Variants in PKP4 observed in about 807,000 individuals in gnomAD.
The protein encoded by PKP4 is plakophilin-4.
A neutral mutation model predicts 145.1 loss-of-function variants in PKP4; 90 were observed. The observed-to-expected ratio is 0.62, with a 90% confidence interval of 0.52 to 0.74. The LOEUF (loss-of-function observed/expected upper bound fraction) is 0.74, where lower values mean the gene tolerates loss of function less well. PKP4 is among the 30% of genes least tolerant of loss of function. PKP4 has a pLI of 0.00. For synonymous variants in PKP4, 563 were observed against 577.2 expected (o/e 0.98, Z 0.35); for missense variants, 1,340 against 1,482.7 (o/e 0.90, Z 1.58).
At chr2:158,609,291 G>A (rs962844023) in intron 4 of PKP4, among the ~76,000 whole-genome samples, 19 of 152,012 alleles carry the variant, frequency 1.2e-4, no homozygotes, top group African/African-American at 4.6e-4. Flanking sequence ...ATCTATCTTA[G>A]AATTAGGCAG....
rs190976739 is a variant in PKP4, at chr2:158,468,577, T to C, written c.-6+11359T>C. 3.7e-3 allele frequency among the ~76,000 whole-genome samples: 562 copies of C among 152,076 alleles called. 1 individual carries two copies. Among genetic ancestry groups the C allele is most frequent in the African/African-American group, 0.013 (527 of 41,502 alleles). ...TATATATGATCATAGGTAATATTCT[T>C]GCAAAAAAATGTTGATAGTGCACCA... is the stretch of plus-strand genomic sequence containing the variant. On this transcript the variant is annotated intron_variant, in intron 1 of 21. Coordinates refer to ENST00000389759, the MANE Select transcript of PKP4 (RefSeq NM_003628.6).
chr2:158,483,144 T>C (rs898128586), intron 1 of PKP4, among the ~76,000 whole-genome samples: 18 of 152,198 alleles, frequency 1.2e-4, no homozygotes, highest in African/African-American at 4.1e-4. Context: ...GTTGTATCTT[T>C]TAGAAAATTG....
chr2:158,499,474 T>C (rs1432173389), intron 1 of PKP4, among the ~76,000 whole-genome samples: 3 of 152,202 alleles, frequency 2.0e-5, no homozygotes, highest in Admixed American at 6.5e-5. Flanking sequence ...AGAGAAACTG[T>C]AACACCACTG....
In PKP4 at chr2:158,666,432, C is replaced by T. The variant is rs754780372; in HGVS notation, c.2597C>T (p.Ala866Val). Residue 866 changes from alanine (A) to valine (V), a missense_variant, in exon 16 of 22, where the codon GCG (alanine) becomes GTG (valine). Ala to Val is a moderately conservative substitution (Grantham distance 64, BLOSUM62 0). Transcript: ENST00000389759. ...GNWKFAAYIR[A>V]AVRKEKGLPI... The stretch of plus-strand genomic sequence containing the variant: ...CACTAGTTTGCAGCATATATCCGGG[C>T]GGCCGTCCGAAAAGAAAAGGGGCTC... The T allele has an allele frequency of 2.1e-5, 33 of 1,605,346 alleles. No homozygotes were observed. The highest frequency in any genetic ancestry group is 6.9e-5 in the Admixed American group (4 of 58,080).
chr2:158,535,464 C>T (rs1559289701), intron 2 of PKP4, among the ~76,000 whole-genome samples: 1 of 152,280 alleles, frequency 6.6e-6, no homozygotes, highest in East Asian at 1.9e-4. Flanking sequence ...GGATGGAGTA[C>T]AGTGTCACCT....
intron 1 of PKP4, among the ~76,000 whole-genome samples, chr2:158,516,042 CT>C (rs10719242): frequency 0.66 from 93,547 of 140,990 alleles, 31,072 homozygotes; most frequent in East Asian, 0.87. Flanking sequence ...GAGAATCCAT[CT>C]TTTTTTTTTT....
intron 4 of PKP4, among the ~76,000 whole-genome samples, chr2:158,612,796 C>T (rs778474047): frequency 6.6e-6 from 1 of 152,070 alleles, no homozygotes; most frequent in Non-Finnish European, 1.5e-5. Context: ...AATCATAACA[C>T]TCCATGGAAA....
At chr2:158,620,270 C>A (rs1273314601) in intron 4 of PKP4, among the ~76,000 whole-genome samples, 1 of 151,984 alleles carries the variant, frequency 6.6e-6, no homozygotes, top group Non-Finnish European at 1.5e-5. Flanking sequence ...GAAGCATGAT[C>A]TACACCACCT....
chr2:158,547,500 G>A (rs1038840549), intron 2 of PKP4, among the ~76,000 whole-genome samples: 1 of 152,152 alleles, frequency 6.6e-6, no homozygotes, highest in African/African-American at 2.4e-5. Flanking sequence ...GATTGCTGGG[G>A]AACAAAGGGA....
At chr2:158,612,798 C>G (rs2105874158) in intron 4 of PKP4, among the ~76,000 whole-genome samples, 1 of 152,206 alleles carries the variant, frequency 6.6e-6, no homozygotes, top group South Asian at 2.1e-4. Context: ...TCATAACACT[C>G]CATGGAAACT....
In PKP4 at chr2:158,493,249, C is replaced by T. The variant is rs769002532; in HGVS notation, c.-6+36031C>T. Among the ~76,000 whole-genome samples, 6 of 152,090 alleles carry T rather than the reference C, an allele frequency of 3.9e-5. 1 individual carries two copies. The highest frequency in any genetic ancestry group is 4.1e-4 in the South Asian group (2 of 4,828). On this transcript the variant is annotated intron_variant, in intron 1 of 21. Coordinates refer to ENST00000389759, the MANE Select transcript of PKP4 (RefSeq NM_003628.6). Reference sequence around the variant, plus strand: ...TGTCTTCCCGTTTTCCTAATAATGACAGATCATAATTTTTTATTAAATTAC... The same window carrying T: ...TGTCTTCCCGTTTTCCTAATAATGATAGATCATAATTTTTTATTAAATTAC...
At chr2:158,509,915 C>T (rs985598143) in intron 1 of PKP4, among the ~76,000 whole-genome samples, 2 of 150,180 alleles carry the variant, frequency 1.3e-5, no homozygotes, top group African/African-American at 4.9e-5. Context: ...CCACTGCACT[C>T]CAGCCTGGGC....
chr2:158,537,607 A>G (rs2044162078), intron 2 of PKP4, among the ~76,000 whole-genome samples: 1 of 152,228 alleles, frequency 6.6e-6, no homozygotes, highest in South Asian at 2.1e-4. Context: ...CTCAACTCCT[A>G]ATAAGAATCC....
chr2:158,477,278 AG>A (rs59276673), intron 1 of PKP4, among the ~76,000 whole-genome samples: 138,861 of 152,088 alleles, frequency 0.91, 63,444 homozygotes, highest in East Asian at 0.98. Flanking sequence ...ATGGTCCCTG[AG>A]GGTCAACATG....
At chr2:158,465,277 A>G (rs1433729584) in intron 1 of PKP4, among the ~76,000 whole-genome samples, 1 of 152,258 alleles carries the variant, frequency 6.6e-6, no homozygotes, top group African/African-American at 2.4e-5. Context: ...TGTGTATTAC[A>G]TGATAAATTA....
At chr2:158,521,459 G>C (rs1236960094) in intron 1 of PKP4, among the ~76,000 whole-genome samples, 1 of 152,110 alleles carries the variant, frequency 6.6e-6, no homozygotes, top group African/African-American at 2.4e-5. Flanking sequence ...TAACTACTAT[G>C]CATAGATTAT....
In PKP4 at chr2:158,553,485, A is replaced by G. The variant is rs181976666; in HGVS notation, c.132+20169A>G. Among the ~76,000 whole-genome samples, 571 of 152,336 alleles carry G rather than the reference A, an allele frequency of 3.7e-3. 15 individuals are homozygous for G. Among genetic ancestry groups the G allele is most frequent in the Admixed American group, 0.033 (508 of 15,308 alleles). Reference sequence around the variant, plus strand: ...AAAATGCTGCCAGCTTGAACTGAAAAGGACAGAGACAGGTTGAAATATAGG... The same window carrying G: ...AAAATGCTGCCAGCTTGAACTGAAAGGGACAGAGACAGGTTGAAATATAGG... On this transcript the variant is annotated intron_variant, in intron 2 of 21. Transcript: ENST00000389759.
chr2:158,667,534 G>A (rs1196710448), intron 16 of PKP4, among the ~76,000 whole-genome samples: 2 of 152,154 alleles, frequency 1.3e-5, no homozygotes, highest in African/African-American at 4.8e-5. Flanking sequence ...TGAATCTATA[G>A]TAAACTTAAA....
intron 11 of PKP4, 98 bp downstream of exon 11, chr2:158,642,797 G>A: frequency 1.2e-6 from 1 of 830,914 alleles, no homozygotes; most frequent in Non-Finnish European, 1.9e-6. Flanking sequence ...GAGGTTCCAG[G>A]TAATAGATAA....
Sources: allele counts gnomAD v4.1 joint callset (sites outside exome capture counted in the v4.1 genomes callset), GRCh38; gene constraint gnomAD v4.1.1; transcripts MANE v1.5; gene names NCBI Gene and HGNC (gene_info 2026-07-23, HGNC 2026-07-21).